RALYL: variants seen among roughly 807,000 people sequenced by gnomAD.
The protein encoded by RALYL is RALY RNA binding protein like, also known as RNA-binding Raly-like protein.
In RALYL, 29 loss-of-function variants were observed where a neutral mutation model predicts 35.1. The observed-to-expected ratio is 0.83, with a 90% CI of 0.61 to 1.13. The LOEUF (loss-of-function observed/expected upper bound fraction) is 1.13. RALYL is among the 50% of genes most tolerant of loss of function. The pLI is 0.00. For synonymous variants in RALYL, 120 were observed against 127.6 expected (o/e 0.94, Z 0.40); for missense variants, 359 against 360.4 (o/e 1.00, Z 0.03).
chr8:84,806,950 A>G (rs1273699946), intron 4 of RALYL, among the ~76,000 whole-genome samples: 1 of 152,086 alleles, frequency 6.6e-6, no homozygotes, highest in Non-Finnish European at 1.5e-5. Context: ...GGTCCGGGCT[A>G]CAATGAACCG....
chr8:84,745,614 A>G (rs1429315916), intron 2 of RALYL, among the ~76,000 whole-genome samples: 1 of 152,014 alleles, frequency 6.6e-6, no homozygotes, highest in Non-Finnish European at 1.5e-5. Context: ...TCCACTTGCA[A>G]GGTAGCATAT....
chr8:84,295,469 AT>A (rs1839584419), intron 1 of RALYL, among the ~76,000 whole-genome samples: 2 of 151,966 alleles, frequency 1.3e-5, no homozygotes, highest in African/African-American at 4.8e-5. Flanking sequence ...AATTATTTAT[AT>A]TTTCATTTTT....
chr8:84,275,242 G>GC (rs1340715953), intron 1 of RALYL, among the ~76,000 whole-genome samples: 4 of 151,894 alleles, frequency 2.6e-5, no homozygotes, highest in Admixed American at 6.6e-5. Flanking sequence ...TGAAATCTTA[G>GC]CTTGCTATTT....
rs566252251 is a variant in RALYL, at chr8:84,632,328, A to G, written c.256+102751A>G. ...TAGCAGCCCAAATGAACTAAGACACATATCTTAGACTTCCATTTCCATCTT... is the reference window on the plus strand; with the variant it reads ...TAGCAGCCCAAATGAACTAAGACACGTATCTTAGACTTCCATTTCCATCTT... On this transcript the variant is annotated intron_variant, in intron 2 of 8. Transcript: ENST00000521268. 3.3e-5 allele frequency among the ~76,000 whole-genome samples: 5 copies of G among 152,116 alleles called. No homozygotes were observed. In the South Asian group the frequency reaches 6.2e-4, roughly 19 times the overall value.
intron 1 of RALYL, among the ~76,000 whole-genome samples, chr8:84,299,885 A>T (rs1001492232): frequency 6.6e-5 from 10 of 151,880 alleles, no homozygotes; most frequent in Admixed American, 3.3e-4. Context: ...GCTGTCGATC[A>T]CATTTATTCT....
At chr8:84,317,856 G>A (rs371530795) in intron 1 of RALYL, among the ~76,000 whole-genome samples, 1 of 152,048 alleles carries the variant, frequency 6.6e-6, no homozygotes, top group East Asian at 1.9e-4. Flanking sequence ...ACGGAAACTG[G>A]CTATTTTATG....
chr8:84,589,139 C>G (rs1381419813), intron 2 of RALYL, among the ~76,000 whole-genome samples: 1 of 152,122 alleles, frequency 6.6e-6, no homozygotes, highest in Non-Finnish European at 1.5e-5. Context: ...CTTAGATGAT[C>G]CGCCCGCCTC....
chr8:84,443,212 G>A (rs1269882948), intron 1 of RALYL, among the ~76,000 whole-genome samples: 1 of 152,046 alleles, frequency 6.6e-6, no homozygotes, highest in Non-Finnish European at 1.5e-5. Context: ...ATATTACATG[G>A]GAAGTAAACG....
At chr8:84,610,217 G>C in intron 2 of RALYL, among the ~76,000 whole-genome samples, 1 of 151,932 alleles carries the variant, frequency 6.6e-6, no homozygotes, top group East Asian at 1.9e-4. Context: ...ATCCCATTTA[G>C]ACTACCATGT....
intron 8 of RALYL, among the ~76,000 whole-genome samples, chr8:84,888,829 A>C (rs1843342716): frequency 6.6e-6 from 1 of 152,104 alleles, no homozygotes; most frequent in Non-Finnish European, 1.5e-5. Flanking sequence ...AGCTCACTGC[A>C]ACCTCCGCCC....
chr8:84,652,894 A>G (rs1463076617), intron 2 of RALYL, among the ~76,000 whole-genome samples: 1 of 152,112 alleles, frequency 6.6e-6, no homozygotes, highest in Non-Finnish European at 1.5e-5. Context: ...AGAAACCAGG[A>G]TTATTTAATC....
chr8:84,543,224 C>G (rs1360754156), intron 2 of RALYL, among the ~76,000 whole-genome samples: 1 of 151,412 alleles, frequency 6.6e-6, no homozygotes, highest in East Asian at 1.9e-4. Context: ...TTTTTTGGTG[C>G]TAACAGCCAG....
intron 2 of RALYL, among the ~76,000 whole-genome samples, chr8:84,560,205 C>A (rs2061389842): frequency 6.6e-6 from 1 of 151,870 alleles, no homozygotes; most frequent in African/African-American, 2.4e-5. Context: ...GTCCAAATAT[C>A]TGTGCCAGGT....
intron 3 of RALYL, among the ~76,000 whole-genome samples, chr8:84,803,325 C>T (rs1257595080): frequency 6.6e-6 from 1 of 152,170 alleles, no homozygotes; most frequent in Non-Finnish European, 1.5e-5. Context: ...GAATCCCCCT[C>T]ATTTCTTCAA....
intron 4 of RALYL, chr8:84,828,446 T>G (rs1369346766): frequency 6.6e-6 from 1 of 152,346 alleles, no homozygotes; most frequent in Non-Finnish European, 1.5e-5. Flanking sequence ...ATTTGCAGTA[T>G]TATAATTTTT....
intron 1 of RALYL, among the ~76,000 whole-genome samples, chr8:84,194,054 G>A (rs1021066274): frequency 6.6e-6 from 1 of 152,322 alleles, no homozygotes; most frequent in East Asian, 1.9e-4. Context: ...GGATGGATAG[G>A]TTTGGTCAGA....
intron 2 of RALYL, among the ~76,000 whole-genome samples, chr8:84,773,987 G>A (rs1338898473): frequency 1.3e-5 from 2 of 152,198 alleles, no homozygotes; most frequent in African/African-American, 2.4e-5. Context: ...GGGAGGCTGA[G>A]GCAGGAGAAT....
intron 2 of RALYL, among the ~76,000 whole-genome samples, chr8:84,750,616 G>A (rs1002873292): frequency 3.9e-5 from 6 of 152,154 alleles, no homozygotes; most frequent in Non-Finnish European, 7.4e-5. Context: ...TATGAGGTTT[G>A]TGCTCTTATG....
intron 2 of RALYL, among the ~76,000 whole-genome samples, chr8:84,559,032 A>T (rs2061317349): frequency 6.6e-6 from 1 of 152,118 alleles, no homozygotes; most frequent in African/African-American, 2.4e-5. Context: ...TCTGAAAAAT[A>T]ATTCCATATT....
Sources: gnomAD v4.1 joint callset for allele counts (sites outside exome capture counted in the v4.1 genomes callset) on GRCh38, gnomAD v4.1.1 for gene constraint, MANE v1.5 for transcripts, NCBI Gene and HGNC (gene_info 2026-07-23, HGNC 2026-07-21) for gene names.